The following SMC1A variants were observed in gnomAD, a reference collection of about 807,000 sequenced individuals.
SMC1A encodes structural maintenance of chromosomes 1A, also known as structural maintenance of chromosomes protein 1A.
In SMC1A, 4 loss-of-function variants were observed where a neutral mutation model predicts 94.5. The ratio of observed to expected loss-of-function variants is 0.04; its 90% CI spans 0.02 to 0.10. The LOEUF is 0.10. Ranked by LOEUF, SMC1A falls within the 10% of genes least tolerant of loss-of-function variation. The probability of loss-of-function intolerance (pLI) is 1.00; values close to 1 mark genes in which losing one functional copy is unlikely to be tolerated. For missense variants in SMC1A, 304 were observed against 989.0 expected (o/e 0.31, Z 9.29); for synonymous variants, 345 against 347.7 (o/e 0.99, Z 0.09).
chrX:53,394,914 G>T, intron 18 of SMC1A, 26 bp from the exon 19 acceptor site: 1 of 930,073 alleles, frequency 1.1e-6, no homozygotes, highest in African/African-American at 1.9e-5. Context: ...AGAGTCAAGT[G>T]GAGCAGACTG....
At position 53,411,770 on chromosome X, in the gene SMC1A, T is replaced by C; in HGVS notation, c.1245A>G (p.Val415=). The change falls in exon 7 of 25, where the codon GTA becomes GTG. Residue 415 remains valine, a synonymous_variant. Transcript: ENST00000322213. ...TATAACTATAGCCCACCTCTGTCTC[T>C]ACTTTCTTCCGTTCTTCCAGATCCA... ...DRLDLEERKK[V]ETEAKIKQKL... 1 of 1,211,523 alleles carries C rather than the reference T, an allele frequency of 8.3e-7. No homozygotes were observed. Among genetic ancestry groups the C allele is most frequent in the Non-Finnish European group, 1.1e-6 (1 of 895,275 alleles).
At chrX:53,392,487 G>C (rs1471046289) in intron 19 of SMC1A, among the ~76,000 whole-genome samples, 4 of 110,703 alleles carry the variant, frequency 3.6e-5, no homozygotes, top group African/African-American at 9.8e-5. Context: ...TTTTGCTCTT[G>C]TCACCCAGGT....
At position 53,405,643 on chromosome X, in the gene SMC1A, C is replaced by T; in HGVS notation, c.1761G>A (p.Glu587=). The change falls in exon 11 of 25, where the codon GAG becomes GAA. Residue 587 remains glutamate (E), a synonymous_variant. Coordinates refer to ENST00000322213, the MANE Select transcript of SMC1A (RefSeq NM_006306.4). Reference sequence around the variant, plus strand: ...CAATCACTAGCTTGGCCCCCTTCAGCTCCCGGAGTTTCTCATCTGTAGGCT... The same window carrying T: ...CAATCACTAGCTTGGCCCCCTTCAGTTCCCGGAGTTTCTCATCTGTAGGCT... ...EVKPTDEKLR[E]LKGAKLVIDV... is the part of the protein sequence containing the mutation. The T allele has an allele frequency of 1.7e-6, 2 of 1,211,832 alleles. No homozygotes were observed. The highest frequency in any genetic ancestry group is 3.0e-5 in the East Asian group (1 of 33,841).
intron 23 of SMC1A, 108 bp from the exon 24 acceptor site, chrX:53,380,838 G>T: frequency 1.5e-6 from 1 of 658,116 alleles, no homozygotes; most frequent in Non-Finnish European, 2.5e-6. Context: ...AGAGGAAGGT[G>T]GGGAAAAGAG....
At chrX:53,409,384 G>T in intron 8 of SMC1A, 37 bp downstream of exon 8, 1 of 1,165,119 alleles carries the variant, frequency 8.6e-7, no homozygotes, top group Non-Finnish European at 1.2e-6. Context: ...ACAAGAACAG[G>T]CCTGGAAGTA....
intron 22 of SMC1A, chrX:53,381,734 C>T: frequency 5.6e-6 from 1 of 177,794 alleles, no homozygotes; most frequent in East Asian, 1.3e-4. Flanking sequence ...ACATCTGTGT[C>T]CCTAATCCCT....
intron 19 of SMC1A, among the ~76,000 whole-genome samples, chrX:53,387,274 C>T (rs1301821896): frequency 8.9e-6 from 1 of 112,108 alleles, no homozygotes; most frequent in South Asian, 3.7e-4. Context: ...GGATTACAGG[C>T]GTGAGCCACT....
chrX:53,395,652 ACCT>A (rs1425928090), intron 18 of SMC1A, among the ~76,000 whole-genome samples: 1 of 110,979 alleles, frequency 9.0e-6, no homozygotes, highest in Non-Finnish European at 1.9e-5. Flanking sequence ...ATATATGCAA[ACCT>A]CCTCTCAGTT....
chrX:53,395,069 G>A (rs1356120571), intron 18 of SMC1A, among the ~76,000 whole-genome samples, 181 bp from the exon 19 acceptor site: 1 of 112,631 alleles, frequency 8.9e-6, no homozygotes, highest in Non-Finnish European at 1.9e-5. Context: ...ATGGCCAGGT[G>A]CAGTGGCTTG....
At chrX:53,383,500 G>A (rs1443058682) in intron 19 of SMC1A, among the ~76,000 whole-genome samples, 1 of 111,889 alleles carries the variant, frequency 8.9e-6, no homozygotes, top group Non-Finnish European at 1.9e-5. Context: ...CTTCCCCCAG[G>A]CCCTGCCAAC....
chrX:53,408,850 A>T (rs781911640), intron 9 of SMC1A, among the ~76,000 whole-genome samples: 28 of 109,089 alleles, frequency 2.6e-4, no homozygotes, highest in Admixed American at 8.9e-4. Flanking sequence ...TAAAAAAAAA[A>T]AAAAAAAAAA....
At chrX:53,417,892 GGAGAA>G (rs2075738370) in intron 1 of SMC1A, among the ~76,000 whole-genome samples, 2 of 111,854 alleles carry the variant, frequency 1.8e-5, no homozygotes, top group East Asian at 2.8e-4. Flanking sequence ...ATAAAACTTG[GGAGAA>G]GAGAAGGCAT....
chrX:53,397,706 C>A (rs2075656615), intron 16 of SMC1A, among the ~76,000 whole-genome samples: 1 of 111,946 alleles, frequency 8.9e-6, no homozygotes, highest in Non-Finnish European at 1.9e-5. Context: ...ATGTTGATGA[C>A]CGATGAATCT....
In SMC1A at chrX:53,375,543, C is replaced by T. The variant is rs782313027; in HGVS notation, c.*4560G>A. 1 of 110,010 alleles carries T rather than the reference C, an allele frequency of 9.1e-6. No individual in the cohort carries two copies. Among genetic ancestry groups the T allele is most frequent in the Non-Finnish European group, 1.9e-5 (1 of 52,732 alleles). The allele number at this position is 110,010 out of a possible 1,213,427, so 9.1% of individuals were successfully genotyped here. Reference sequence around the variant, plus strand: ...AGGTAGGAAAGAGGGAGTCAGAGTCCTGGCTTGGAAGAGCCTTACTGCACA... The same window carrying T: ...AGGTAGGAAAGAGGGAGTCAGAGTCTTGGCTTGGAAGAGCCTTACTGCACA... On this transcript the variant is annotated 3_prime_UTR_variant, in exon 25 of 25. Transcript: ENST00000322213.
chrX:53,382,099 T>C (rs782159945), intron 22 of SMC1A, 133 bp downstream of exon 22: 197 of 773,097 alleles, frequency 2.5e-4, no homozygotes, highest in Non-Finnish European at 3.6e-4. Context: ...CTGCAGTAGA[T>C]AGTGAAACAG....
intron 1 of SMC1A, 26 bp downstream of exon 1, chrX:53,422,466 C>A: frequency 9.7e-7 from 1 of 1,029,140 alleles, no homozygotes; most frequent in Non-Finnish European, 1.4e-6. Context: ...GGGACGTGCG[C>A]AGGGCCGCGG....
At chrX:53,395,739 T>C (rs1223982154) in intron 18 of SMC1A, among the ~76,000 whole-genome samples, 2 of 111,357 alleles carry the variant, frequency 1.8e-5, no homozygotes, top group Admixed American at 1.9e-4. Context: ...GGTTTTCCTA[T>C]AACTAAACTT....
chrX:53,402,397 GAGA>G (rs1403316083), intron 15 of SMC1A, among the ~76,000 whole-genome samples: 1 of 110,505 alleles, frequency 9.0e-6, no homozygotes, highest in Non-Finnish European at 1.9e-5. Context: ...GAGGAAAAAT[GAGA>G]AGATTATTTT....
intron 1 of SMC1A, among the ~76,000 whole-genome samples, chrX:53,417,641 G>C (rs2075737502): frequency 1.8e-5 from 2 of 110,468 alleles, no homozygotes; most frequent in Non-Finnish European, 3.8e-5. Flanking sequence ...ACTTTGACTG[G>C]ACTCTGGTTC....
Sources: allele counts gnomAD v4.1 joint callset (sites outside exome capture counted in the v4.1 genomes callset), GRCh38; gene constraint gnomAD v4.1.1; transcripts MANE v1.5; gene names NCBI Gene and HGNC (gene_info 2026-07-23, HGNC 2026-07-21).